ZNF845: variants seen among roughly 807,000 people sequenced by gnomAD.
ZNF845 encodes zinc finger protein 845.
Under a neutral mutation model 76.1 loss-of-function variants are expected in ZNF845, and 59 were observed. The observed-to-expected ratio is 0.78, with a 90% confidence interval of 0.63 to 0.96. ZNF845 has a LOEUF of 0.96. ZNF845 is among the 40% of genes least tolerant of loss of function. ZNF845 has a pLI of 0.00. For synonymous variants in ZNF845, 361 were observed against 386.9 expected, an observed-to-expected ratio of 0.93 and a Z score of 0.78; for missense variants, 1,045 against 1,172.8, an observed-to-expected ratio of 0.89 and a Z score of 1.59.
At position 53,350,851 on chromosome 19, in the gene ZNF845, C is replaced by T. The variant is rs539841934; in HGVS notation, c.176C>T (p.Ser59Leu). The T allele has an allele frequency of 5.6e-6, 9 of 1,613,908 alleles. No homozygotes were observed. The East Asian group carries it at 1.6e-4, about 28-fold the overall frequency. Residue 59 changes from serine (S) to leucine (L), a missense_variant, in exon 4 of 4, where the codon TCA (serine) becomes TTA (leucine). Ser to Leu is a moderately radical substitution (Grantham distance 145). Coordinates refer to ENST00000458035, the MANE Select transcript of ZNF845 (RefSeq NM_138374.3). ...TCCAAATGCATGATGAAGGAGTTCT[C>T]ATCAACAGCACAAGGCAATACAGAA... The part of the protein sequence containing the change: ...ISSKCMMKEF[S>L]STAQGNTEVI...
At chr19:53,336,633 C>CTTTCTTT (rs1181749089) in intron 1 of ZNF845, among the ~76,000 whole-genome samples, 11 of 92,422 alleles carry the variant, frequency 1.2e-4, no homozygotes, top group Non-Finnish European at 2.1e-4. Context: ...TTCTTTCTTT[C>CTTTCTTT]TTTTTTTTTT....
At chr19:53,350,703 A>G (rs1473289045) in intron 3 of ZNF845, 115 bp from the exon 4 acceptor site, 1 of 1,373,654 alleles carries the variant, frequency 7.3e-7, no homozygotes, top group African/African-American at 1.5e-5. Flanking sequence ...TAAACTTTCA[A>G]GATAATGTTT....
chr19:53,340,759 C>G (rs967323955), intron 1 of ZNF845: 24 of 309,644 alleles, frequency 7.8e-5, no homozygotes, highest in Non-Finnish European at 1.1e-4. Flanking sequence ...CCTGCCTGAT[C>G]TGCCCTCCCA....
At position 53,351,092 on chromosome 19, in the gene ZNF845, G is replaced by C. The variant is rs879243538; in HGVS notation, c.417G>C (p.Gln139His). The C allele has an allele frequency of 1.2e-6, 2 of 1,614,200 alleles. No homozygotes were observed. The highest frequency in any genetic ancestry group is 1.1e-5 in the South Asian group (1 of 91,082). ...CTGGAAACAAGCCTATTAAAGATCAGCTTGGATCAAGCTTTCATTCGCATC... is the reference window on the plus strand; with the variant it reads ...CTGGAAACAAGCCTATTAAAGATCACCTTGGATCAAGCTTTCATTCGCATC... The part of the protein sequence containing the change: ...RHAGNKPIKD[Q>H]LGSSFHSHLP... Residue 139 changes from glutamine to histidine, a missense_variant, in exon 4 of 4, where the codon CAG (glutamine) becomes CAC (histidine). Coordinates refer to ENST00000458035, the MANE Select transcript of ZNF845 (RefSeq NM_138374.3).
rs57130942 is a variant in ZNF845 at position 53,344,625 on chromosome 19, T to TTATGTTATGTTATGTTATGTTGTG, written c.16-880_16-879insATGTTATGTTATGTTATGTTGTGT. On this transcript the variant is annotated intron_variant, in intron 2 of 3. Transcript: ENST00000458035. ...TTTTATTTATTTTATTTTATTTTATTTTATTTTATTTTATTTTATTTTGGG... is the reference window on the plus strand; with the variant it reads ...TTTTATTTATTTTATTTTATTTTATTTATGTTATGTTATGTTATGTTGTGTTATTTTATTTTATTTTATTTTGGG... Among the ~76,000 whole-genome samples, 20 of 144,990 alleles carry TTATGTTATGTTATGTTATGTTGTG rather than the reference T, an allele frequency of 1.4e-4. 1 individual carries two copies. Among genetic ancestry groups the TTATGTTATGTTATGTTATGTTGTG allele is most frequent in the Middle Eastern group, 6.9e-3 (2 of 290 alleles).
At chr19:53,334,868 C>T (rs12463375) in intron 1 of ZNF845, among the ~76,000 whole-genome samples, 13,572 of 152,126 alleles carry the variant, frequency 0.089, 721 homozygotes, top group African/African-American at 0.14. Context: ...AGAGATCATG[C>T]CACTGCACTC....
At chr19:53,349,772 A>C (rs1431954708) in intron 3 of ZNF845, among the ~76,000 whole-genome samples, 2 of 152,150 alleles carry the variant, frequency 1.3e-5, no homozygotes, top group African/African-American at 4.8e-5. Context: ...ACTATGGCTC[A>C]CACTTATAAT....
chr19:53,340,898 C>G (rs1377881112), intron 1 of ZNF845: 1 of 388,958 alleles, frequency 2.6e-6, no homozygotes, highest in Non-Finnish European at 4.6e-6. Flanking sequence ...TGTCCCTCTG[C>G]TGGAACTCGC....
chr19:53,353,976 G>A lies in ZNF845; in HGVS notation c.*388G>A, dbSNP rs149857287. 1.4e-3 allele frequency: 672 copies of A among 469,874 alleles called. 2 individuals are homozygous for A. The highest frequency in any genetic ancestry group is 0.011 in the African/African-American group (544 of 49,196). 29.1% of individuals were successfully genotyped at this position (469,874 alleles called of 1,614,324 possible). A position where few individuals can be genotyped will look rare whatever the true frequency, so the allele number is the denominator to read the frequency against. On this transcript the variant is annotated 3_prime_UTR_variant, in exon 4 of 4. Transcript: ENST00000458035. Reference sequence around the variant, plus strand: ...CATTGTTCATACCTTGCAGTTCATCGGTGAACTCATGCTGGAGAGAAACCT... The same window carrying A: ...CATTGTTCATACCTTGCAGTTCATCAGTGAACTCATGCTGGAGAGAAACCT...
intron 1 of ZNF845, among the ~76,000 whole-genome samples, chr19:53,339,736 T>C (rs1485788842): frequency 2.0e-5 from 3 of 152,202 alleles, no homozygotes; most frequent in Non-Finnish European, 4.4e-5. Flanking sequence ...GACATACTAG[T>C]ATCACTCAGT....
At position 53,346,418 on chromosome 19, in the gene ZNF845, T is replaced by C. The variant is rs35961467; in HGVS notation, c.142+786T>C. The C allele has an allele frequency of 4.8e-4, 198 of 410,008 alleles. 1 individual carries two copies. Among genetic ancestry groups the C allele is most frequent in the Middle Eastern group, 4.4e-3 (9 of 2,060 alleles). 25.4% of individuals were successfully genotyped at this position (410,008 alleles called of 1,614,324 possible). On this transcript the variant is annotated intron_variant, in intron 3 of 3. Coordinates refer to ENST00000458035, the MANE Select transcript of ZNF845 (RefSeq NM_138374.3). ...AAAATTCTCGTGCCCCAGTGGCTCA[T>C]GCCTGTAATCCCGGCACTTTGGGAG...
rs776671431 is a variant in ZNF845 at position 53,350,807 on chromosome 19, A to G, written c.143-11A>G. The G allele has an allele frequency of 4.7e-5, 75 of 1,611,574 alleles. No individual in the cohort carries two copies. Among genetic ancestry groups the G allele is most frequent in the Non-Finnish European group, 6.2e-5 (73 of 1,179,082 alleles). On this transcript the variant is annotated splice_polypyrimidine_tract_variant and intron_variant, in intron 3 of 3. Transcript: ENST00000458035. ...CTTAAGTGGAAACCTATTGGTGTTT[A>G]TATTTTCTAGATATCTCTTCCAAAT...
In ZNF845 at chr19:53,352,932, G is replaced by A. The variant is rs771342241; in HGVS notation, c.2257G>A (p.Asp753Asn). Residue 753 changes from aspartate (D) to asparagine (N), a missense_variant, in exon 4 of 4, where the codon GAC becomes AAC. Transcript: ENST00000458035. ...GEKPYKCEEC[D>N]KVFSRKSSLE... is the part of the protein sequence containing the mutation. ...GAAACCTTACAAATGTGAAGAATGT[G>A]ACAAAGTTTTCAGTCGCAAATCAAG... The A allele has an allele frequency of 1.2e-6, 2 of 1,614,100 alleles. No homozygotes were observed. Among genetic ancestry groups the A allele is most frequent in the Non-Finnish European group, 1.7e-6 (2 of 1,180,016 alleles).
At chr19:53,348,934 G>A (rs989052126) in intron 3 of ZNF845, among the ~76,000 whole-genome samples, 7 of 135,324 alleles carry the variant, frequency 5.2e-5, no homozygotes, top group South Asian at 4.6e-4. Context: ...TCGTCTCACT[G>A]CAACCTCCAC....
chr19:53,345,494 T>A lies in ZNF845; in HGVS notation c.16-12T>A, dbSNP rs760329921. The A allele has an allele frequency of 2.2e-5, 36 of 1,613,520 alleles. No individual in the cohort carries two copies. Among genetic ancestry groups the A allele is most frequent in the Non-Finnish European group, 3.1e-5 (36 of 1,179,720 alleles). ...CCCATAACCATTTCCTTAAAATGTG[T>A]TTTCATTTCAGGGTCTATTGACATT... On this transcript the variant is annotated splice_polypyrimidine_tract_variant and intron_variant, in intron 2 of 3. Transcript: ENST00000458035.
In ZNF845 at chr19:53,356,608, C is replaced by T. The variant is rs1490359863; in HGVS notation, c.*3020C>T. Reference sequence around the variant, plus strand: ...AGGAAAAGATTTCCCTTCCTTTTGTCTCTTTTCTCAGGACGTTTATTTAGA... The same window carrying T: ...AGGAAAAGATTTCCCTTCCTTTTGTTTCTTTTCTCAGGACGTTTATTTAGA... On this transcript the variant is annotated 3_prime_UTR_variant, in exon 4 of 4. Transcript: ENST00000458035. 1 of 152,016 alleles carries T rather than the reference C, an allele frequency of 6.6e-6. No homozygotes were observed. Among genetic ancestry groups the T allele is most frequent in the Non-Finnish European group, 1.5e-5 (1 of 68,042 alleles). 9.4% of individuals were successfully genotyped at this position (152,016 alleles called of 1,614,324 possible). A position where few individuals can be genotyped will look rare whatever the true frequency, so the allele number is the denominator to read the frequency against.
At chr19:53,336,308 A>G (rs571739606) in intron 1 of ZNF845, among the ~76,000 whole-genome samples, 2 of 151,766 alleles carry the variant, frequency 1.3e-5, no homozygotes, top group African/African-American at 4.8e-5. Flanking sequence ...GTAGTTTGAG[A>G]TCATTCTGGC....
At chr19:53,342,251 A>G (rs1169913738) in intron 2 of ZNF845, among the ~76,000 whole-genome samples, 3 of 151,900 alleles carry the variant, frequency 2.0e-5, no homozygotes, top group Non-Finnish European at 4.4e-5. Context: ...AGTATCTGGG[A>G]TTATAGGCAC....
chr19:53,353,985 A>C lies in ZNF845; in HGVS notation c.*397A>C, dbSNP rs1235399909. On this transcript the variant is annotated 3_prime_UTR_variant, in exon 4 of 4. Coordinates refer to ENST00000458035, the MANE Select transcript of ZNF845 (RefSeq NM_138374.3). ...TACCTTGCAGTTCATCGGTGAACTC[A>C]TGCTGGAGAGAAACCTTACAAATGT... 2.0e-6 allele frequency: 1 copy of C among 511,278 alleles called. No homozygotes were observed. The highest frequency in any genetic ancestry group is 2.0e-5 in the African/African-American group (1 of 50,668). The allele number at this position is 511,278 out of a possible 1,614,324, so 31.7% of individuals were successfully genotyped here.
Sources: gnomAD v4.1 joint callset for allele counts (sites outside exome capture counted in the v4.1 genomes callset) on GRCh38, gnomAD v4.1.1 for gene constraint, MANE v1.5 for transcripts, NCBI Gene and HGNC (gene_info 2026-07-23, HGNC 2026-07-21) for gene names.